Variants in MROH9 observed in about 807,000 individuals in gnomAD.
The protein encoded by MROH9 is maestro heat-like repeat-containing protein family member 9.
A neutral mutation model predicts 98.2 loss-of-function variants in MROH9; 92 were observed. That is an observed-to-expected ratio of 0.94 (90% CI 0.79 to 1.11). MROH9 has a LOEUF of 1.11. Ranked by LOEUF, MROH9 falls within the 50% of genes most tolerant of loss-of-function variation. MROH9 has a pLI of 0.00. For missense variants in MROH9, 1,057 were observed against 1,014.8 expected (o/e 1.04, Z -0.57); for synonymous variants, 397 against 368.9 (o/e 1.08, Z -0.87).
At chr1:171,063,991 T>C in intron 21 of MROH9, 108 bp from the exon 22 acceptor site, 1 of 1,107,932 alleles carries the variant, frequency 9.0e-7, no homozygotes, top group Non-Finnish European at 1.3e-6. Context: ...AGAGGAGAGA[T>C]GGAGAGAAGG....
intron 3 of MROH9, among the ~76,000 whole-genome samples, chr1:170,948,583 T>C (rs1248087597): frequency 6.6e-6 from 1 of 152,124 alleles, no homozygotes; most frequent in Non-Finnish European, 1.5e-5. Flanking sequence ...AATATTATGC[T>C]ATCTTTTTGA....
At chr1:170,995,365 ACCT>A in intron 12 of MROH9, 21 bp from the exon 13 acceptor site, 1 of 1,612,018 alleles carries the variant, frequency 6.2e-7, no homozygotes, top group Non-Finnish European at 8.5e-7. Context: ...TTACATTTCT[ACCT>A]CCTATTTCCT....
At chr1:171,029,756 C>A (rs1156749135) in intron 20 of MROH9, among the ~76,000 whole-genome samples, 1 of 152,046 alleles carries the variant, frequency 6.6e-6, no homozygotes, top group Non-Finnish European at 1.5e-5. Context: ...TTGGAGTTTT[C>A]CTTTTTTATT....
At chr1:170,972,673 G>A (rs1650505569) in intron 8 of MROH9, among the ~76,000 whole-genome samples, 1 of 151,770 alleles carries the variant, frequency 6.6e-6, no homozygotes, top group Non-Finnish European at 1.5e-5. Context: ...TAAGCCGGGT[G>A]TGGTGGCAGG....
chr1:171,031,467 T>C (rs28801123), intron 20 of MROH9, among the ~76,000 whole-genome samples: 4,844 of 152,210 alleles, frequency 0.032, 268 homozygotes, highest in African/African-American at 0.11. Flanking sequence ...GCTCTTGCAA[T>C]GCAGGCCTGG....
intron 8 of MROH9, among the ~76,000 whole-genome samples, chr1:170,975,700 T>C (rs2101790719): frequency 6.6e-6 from 1 of 152,268 alleles, no homozygotes; most frequent in Admixed American, 6.5e-5. Flanking sequence ...CTCAATGATC[T>C]AATACTGCCA....
chr1:171,054,215 C>A (rs1049946822), intron 20 of MROH9, among the ~76,000 whole-genome samples: 5 of 151,756 alleles, frequency 3.3e-5, no homozygotes, highest in Non-Finnish European at 5.9e-5. Context: ...AATAGAGAAC[C>A]CAGAAATAAA....
chr1:171,025,260 G>C, intron 19 of MROH9, 58 bp from the exon 20 acceptor site: 1 of 1,082,120 alleles, frequency 9.2e-7, no homozygotes, highest in Non-Finnish European at 1.4e-6. Context: ...TTTCTGGAGG[G>C]AGCAAATGTT....
intron 8 of MROH9, among the ~76,000 whole-genome samples, chr1:170,973,630 CT>C (rs1324414892): frequency 2.0e-5 from 3 of 152,190 alleles, no homozygotes; most frequent in African/African-American, 7.2e-5. Flanking sequence ...AATCCCAGCA[CT>C]TTTGGAGGCC....
intron 1 of MROH9, among the ~76,000 whole-genome samples, chr1:170,940,917 G>A (rs776764605): frequency 2.5e-4 from 38 of 152,046 alleles, no homozygotes; most frequent in Non-Finnish European, 4.6e-4. Context: ...CCACAGTTCC[G>A]GCAACCAGTA....
chr1:170,961,552 G>T (rs1650014978), intron 5 of MROH9, among the ~76,000 whole-genome samples: 1 of 152,048 alleles, frequency 6.6e-6, no homozygotes, highest in Admixed American at 6.6e-5. Context: ...TAAATTTATA[G>T]CTTTTCCTCC....
At chr1:170,993,332 C>T (rs1012490570) in intron 12 of MROH9, among the ~76,000 whole-genome samples, 3 of 152,122 alleles carry the variant, frequency 2.0e-5, no homozygotes, top group African/African-American at 7.2e-5. Flanking sequence ...TAAAATATGT[C>T]ATTTGTTTGC....
intron 3 of MROH9, 32 bp from the exon 4 acceptor site, chr1:170,958,427 TTC>T (rs1202681815): frequency 2.8e-5 from 38 of 1,337,768 alleles, no homozygotes; most frequent in Admixed American, 6.0e-5. Context: ...TCATTAATTC[TTC>T]TTTTTTTTTT....
chr1:170,998,606 G>A (rs1651676223), intron 15 of MROH9: 2 of 1,289,372 alleles, frequency 1.6e-6, no homozygotes, highest in Non-Finnish European at 2.0e-6. Flanking sequence ...TAATAAAGAT[G>A]GTAGTTAACA....
rs539161839 is a variant in MROH9, at chr1:170,972,607, G to A, written c.616+724G>A. Among the ~76,000 whole-genome samples the A allele has an allele frequency of 4.6e-5, 7 of 152,006 alleles. No homozygotes were observed. The East Asian group carries it at 5.8e-4, about 13-fold the overall frequency. ...GGGCGGATCACAAGGTCAGGAGATC[G>A]AGACCATCCTGGCTAACACAGTGAA... On this transcript the variant is annotated intron_variant, in intron 8 of 21. Transcript: ENST00000367759.
intron 3 of MROH9, among the ~76,000 whole-genome samples, chr1:170,954,013 T>C (rs1196032760): frequency 6.6e-6 from 1 of 152,104 alleles, no homozygotes; most frequent in Admixed American, 6.6e-5. Context: ...TAACTTACAT[T>C]GTTTTGTGAT....
At chr1:171,030,476 G>C (rs541527414) in intron 20 of MROH9, among the ~76,000 whole-genome samples, 1 of 151,954 alleles carries the variant, frequency 6.6e-6, no homozygotes, top group African/African-American at 2.4e-5. Context: ...CAGAGATTCC[G>C]GTACATTGTC....
At chr1:170,986,292 A>C (rs188483902) in intron 9 of MROH9, among the ~76,000 whole-genome samples, 1 of 152,280 alleles carries the variant, frequency 6.6e-6, no homozygotes, top group East Asian at 1.9e-4. Flanking sequence ...ATTCATGATA[A>C]TATTTGAACA....
intron 2 of MROH9, 22 bp from the exon 3 acceptor site, chr1:170,947,505 G>A (rs4656817): frequency 5.6e-6 from 9 of 1,604,522 alleles, no homozygotes; most frequent in African/African-American, 2.7e-5. Flanking sequence ...CCTTTTTAAC[G>A]AATCTCCTTC....
Sources: gnomAD v4.1 joint callset for allele counts (sites outside exome capture counted in the v4.1 genomes callset) on GRCh38, gnomAD v4.1.1 for gene constraint, MANE v1.5 for transcripts, NCBI Gene and HGNC (gene_info 2026-07-23, HGNC 2026-07-21) for gene names.